The following DPYS variants were observed in gnomAD, a reference collection of about 807,000 sequenced individuals.
DPYS encodes the protein dihydropyrimidinase, also known as dihydropyrimidine amidohydrolase.
A neutral mutation model predicts 50.3 loss-of-function variants in DPYS; 39 were observed. The ratio of observed to expected loss-of-function variants is 0.78; its 90% CI spans 0.60 to 1.01. The LOEUF is 1.01. DPYS is among the 50% of genes least tolerant of loss of function. The pLI, the probability that DPYS is intolerant of heterozygous loss-of-function variation, is 0.00. For missense variants in DPYS, 659 were observed against 680.9 expected (o/e 0.97, Z 0.36); for synonymous variants, 245 against 250.7 (o/e 0.98, Z 0.22).
chr8:104,380,564 G>C (rs778035077), intron 9 of DPYS: 3 of 153,186 alleles, frequency 2.0e-5, no homozygotes, highest in African/African-American at 7.2e-5. Context: ...AAAGAAAATT[G>C]ACAAGGATGA....
intron 8 of DPYS, among the ~76,000 whole-genome samples, chr8:104,383,400 C>G (rs1408860285): frequency 6.6e-6 from 1 of 152,180 alleles, no homozygotes; most frequent in Non-Finnish European, 1.5e-5. Flanking sequence ...CCCCAGCAGA[C>G]AGAGGGCCGG....
intron 8 of DPYS, among the ~76,000 whole-genome samples, chr8:104,384,735 C>G (rs1426754125): frequency 6.6e-6 from 1 of 152,222 alleles, no homozygotes; most frequent in Non-Finnish European, 1.5e-5. Flanking sequence ...GACTCCATCC[C>G]TATTCTCCTG....
intron 7 of DPYS, among the ~76,000 whole-genome samples, chr8:104,394,609 C>G (rs1315568955): frequency 6.6e-6 from 1 of 151,874 alleles, no homozygotes. Flanking sequence ...TCAATTCTTA[C>G]CCTCCTGCAT....
At chr8:104,419,976 A>G (rs956004888) in intron 7 of DPYS, 1 of 152,226 alleles carries the variant, frequency 6.6e-6, no homozygotes, top group African/African-American at 2.4e-5. Context: ...GGTACATAGG[A>G]GTGTCTTGTA....
chr8:104,426,511 G>A lies in DPYS; in HGVS notation c.1092+1469C>T, dbSNP rs565892116. ...TAGCAACGAAGAAAGAAATAAGGAG[G>A]CCCTTTGGAAACAAAATTGACAAGA... On this transcript the variant is annotated intron_variant, in intron 6 of 9. Transcript: ENST00000351513. Among the ~76,000 whole-genome samples the A allele has an allele frequency of 6.6e-5, 10 of 152,290 alleles. No homozygotes were observed. In the South Asian group the frequency reaches 2.1e-3, roughly 32 times the overall value.
intron 6 of DPYS, among the ~76,000 whole-genome samples, chr8:104,424,707 C>T (rs1454022532): frequency 2.6e-5 from 4 of 152,234 alleles, no homozygotes; most frequent in Non-Finnish European, 4.4e-5. Flanking sequence ...TTTCGATTCT[C>T]CTTTAAAGTT....
At chr8:104,393,625 A>G (rs1370292141) in intron 7 of DPYS, among the ~76,000 whole-genome samples, 1 of 152,212 alleles carries the variant, frequency 6.6e-6, no homozygotes, top group Non-Finnish European at 1.5e-5. Context: ...TGTGTCATAC[A>G]TTTGTCATCA....
chr8:104,401,456 T>G (rs1811806432), intron 7 of DPYS, among the ~76,000 whole-genome samples: 1 of 152,152 alleles, frequency 6.6e-6, no homozygotes, highest in South Asian at 2.1e-4. Flanking sequence ...GCCTTTCGCT[T>G]CAGAGGTTGT....
chr8:104,434,191 T>C (rs1364017910), intron 4 of DPYS, among the ~76,000 whole-genome samples: 1 of 152,216 alleles, frequency 6.6e-6, no homozygotes, highest in Non-Finnish European at 1.5e-5. Flanking sequence ...GGCAATTGGT[T>C]GAAAAAGTTA....
intron 4 of DPYS, among the ~76,000 whole-genome samples, chr8:104,434,426 G>A (rs191388788): frequency 1.3e-5 from 2 of 152,304 alleles, no homozygotes; most frequent in Admixed American, 1.3e-4. Context: ...TCCCCGCATG[G>A]CCTGAAACAG....
chr8:104,403,996 A>T (rs1030081825), intron 7 of DPYS, among the ~76,000 whole-genome samples: 6 of 152,206 alleles, frequency 3.9e-5, no homozygotes, highest in Non-Finnish European at 8.8e-5. Flanking sequence ...TCACAGCTGA[A>T]GGGGCACTCA....
rs939187719 is a variant in DPYS at position 104,465,913 on chromosome 8, C to T, written c.264+744G>A. Among the ~76,000 whole-genome samples the T allele has an allele frequency of 2.6e-5, 4 of 152,078 alleles. No individual in the cohort carries two copies. The South Asian group carries it at 8.3e-4, about 32-fold the overall frequency. Reference sequence around the variant, plus strand: ...AACATCAGTAAAACTATGGGTACTCCAGCAGCAAGAATGTTGTGTCCCCAG... The same window carrying T: ...AACATCAGTAAAACTATGGGTACTCTAGCAGCAAGAATGTTGTGTCCCCAG... On this transcript the variant is annotated intron_variant, in intron 1 of 9. Transcript: ENST00000351513.
At chr8:104,460,539 T>TC (rs1332506217) in intron 1 of DPYS, among the ~76,000 whole-genome samples, 1 of 152,146 alleles carries the variant, frequency 6.6e-6, no homozygotes, top group African/African-American at 2.4e-5. Context: ...CTCAAATACT[T>TC]CTTTATAGCA....
At chr8:104,398,342 T>A (rs962905772) in intron 7 of DPYS, among the ~76,000 whole-genome samples, 1 of 152,220 alleles carries the variant, frequency 6.6e-6, no homozygotes, top group Non-Finnish European at 1.5e-5. Context: ...AGTGAGGTGA[T>A]CTGCAGTATC....
chr8:104,441,380 G>A (rs539619582), intron 4 of DPYS, among the ~76,000 whole-genome samples: 15 of 152,268 alleles, frequency 9.9e-5, no homozygotes, highest in Non-Finnish European at 2.2e-4. Context: ...CCCAGCAGAT[G>A]TCCACATCTT....
At chr8:104,433,889 G>A (rs928529395) in intron 4 of DPYS, among the ~76,000 whole-genome samples, 1 of 152,092 alleles carries the variant, frequency 6.6e-6, no homozygotes, top group Non-Finnish European at 1.5e-5. Context: ...TACATAAAAT[G>A]GAAAATAGGA....
rs528440111 is a variant in DPYS at position 104,423,077 on chromosome 8, T to C, written c.1235+1170A>G. ...TATTTAGTCCTTAAATGGGCAATAG[T>C]TCCTTATTAACATAAGAAAGACCTT... On this transcript the variant is annotated intron_variant, in intron 7 of 9. Coordinates refer to ENST00000351513, the MANE Select transcript of DPYS (RefSeq NM_001385.3). 2.0e-5 allele frequency among the ~76,000 whole-genome samples: 3 copies of C among 152,376 alleles called. No homozygotes were observed. The East Asian group carries it at 5.8e-4, about 29-fold the overall frequency.
At chr8:104,466,131 A>G (rs1318163877) in intron 1 of DPYS, among the ~76,000 whole-genome samples, 1 of 152,098 alleles carries the variant, frequency 6.6e-6, no homozygotes, top group Non-Finnish European at 1.5e-5. Context: ...ACTCAGACAC[A>G]TTACCTGCTA....
chr8:104,439,528 A>G (rs1335691707), intron 4 of DPYS, among the ~76,000 whole-genome samples: 3 of 152,092 alleles, frequency 2.0e-5, no homozygotes, highest in African/African-American at 7.2e-5. Flanking sequence ...CGCTCCTGTA[A>G]TCCCAGTGCT....
Sources: gnomAD v4.1 joint callset for allele counts (sites outside exome capture counted in the v4.1 genomes callset) on GRCh38, gnomAD v4.1.1 for gene constraint, MANE v1.5 for transcripts, NCBI Gene and HGNC (gene_info 2026-07-23, HGNC 2026-07-21) for gene names.